Variants in MTDH observed in about 807,000 individuals in gnomAD.
The protein encoded by MTDH is metadherin.
In MTDH, 34 loss-of-function variants were observed where a neutral mutation model predicts 72.7. The ratio of observed to expected loss-of-function variants is 0.47; its 90% confidence interval spans 0.36 to 0.62. The LOEUF (loss-of-function observed/expected upper bound fraction) is 0.62, where lower values mean the gene tolerates loss of function less well. Ranked by LOEUF, MTDH falls within the 20% of genes least tolerant of loss-of-function variation. The pLI is 0.00. For missense variants in MTDH, 677 were observed against 699.4 expected, an observed-to-expected ratio of 0.97 and a Z score of 0.36; for synonymous variants, 266 against 268.9, an observed-to-expected ratio of 0.99 and a Z score of 0.10.
At chr8:97,648,614 C>G (rs1052743909) in intron 1 of MTDH, among the ~76,000 whole-genome samples, 1 of 152,134 alleles carries the variant, frequency 6.6e-6, no homozygotes, top group Non-Finnish European at 1.5e-5. Context: ...CCACTTTGGC[C>G]TCCCAAAATG....
At chr8:97,675,374 G>C (rs540328483) in intron 2 of MTDH, among the ~76,000 whole-genome samples, 7 of 149,858 alleles carry the variant, frequency 4.7e-5, no homozygotes, top group Non-Finnish European at 8.9e-5. Flanking sequence ...CAGCCTGGCC[G>C]ACATGGCGAA....
chr8:97,669,440 G>A (rs545421285), intron 2 of MTDH, among the ~76,000 whole-genome samples: 4 of 151,910 alleles, frequency 2.6e-5, no homozygotes, highest in African/African-American at 4.8e-5. Context: ...GAGCCACTGC[G>A]CCTGGCACCA....
At chr8:97,668,250 A>G (rs965010943) in intron 2 of MTDH, among the ~76,000 whole-genome samples, 3 of 152,098 alleles carry the variant, frequency 2.0e-5, no homozygotes, top group Non-Finnish European at 4.4e-5. Context: ...TCGCATCACT[A>G]TACTCCAGCC....
At chr8:97,689,503 T>G (rs1169987441) in intron 5 of MTDH, among the ~76,000 whole-genome samples, 3 of 152,002 alleles carry the variant, frequency 2.0e-5, no homozygotes, top group Admixed American at 6.6e-5. Flanking sequence ...ATGTTTTAAC[T>G]GCTTCCTTGA....
chr8:97,652,552 T>A (rs1236588885), intron 1 of MTDH, among the ~76,000 whole-genome samples: 1 of 152,200 alleles, frequency 6.6e-6, no homozygotes, highest in Admixed American at 6.5e-5. Context: ...TTGGGTTCTC[T>A]CCCTCCCCAG....
intron 7 of MTDH, among the ~76,000 whole-genome samples, chr8:97,702,143 A>G (rs1814156798): frequency 6.6e-6 from 1 of 152,258 alleles, no homozygotes; most frequent in African/African-American, 2.4e-5. Context: ...TGATATAATT[A>G]ACATATTGGC....
intron 1 of MTDH, among the ~76,000 whole-genome samples, chr8:97,658,620 A>G (rs372803688): frequency 1.3e-4 from 20 of 152,334 alleles, no homozygotes. Flanking sequence ...ATGGCAGTAT[A>G]TAAGTGATTA....
At chr8:97,707,680 G>A (rs530805991) in intron 8 of MTDH, among the ~76,000 whole-genome samples, 1 of 152,066 alleles carries the variant, frequency 6.6e-6, no homozygotes, top group Non-Finnish European at 1.5e-5. Context: ...ATGCTGGGCT[G>A]TATTTGTAAT....
chr8:97,724,791 A>G lies in MTDH; in HGVS notation c.*121A>G. ...ATAAATTTAAACCAATTTTTAAAAC[A>G]AAACTGCGGACACCACCATAAAAAT... On this transcript the variant is annotated 3_prime_UTR_variant, in exon 12 of 12. Coordinates refer to ENST00000336273, the MANE Select transcript of MTDH (RefSeq NM_178812.4). 1 of 648,290 alleles carries G rather than the reference A, an allele frequency of 1.5e-6. No individual in the cohort carries two copies. Among genetic ancestry groups the G allele is most frequent in the Non-Finnish European group, 2.4e-6 (1 of 408,746 alleles). The allele number at this position is 648,290 out of a possible 1,614,324, so 40.2% of individuals were successfully genotyped here. A position where few individuals can be genotyped will look rare whatever the true frequency, so the allele number is the denominator to read the frequency against.
chr8:97,661,245 G>A, intron 2 of MTDH, 72 bp downstream of exon 2: 3 of 1,155,724 alleles, frequency 2.6e-6, no homozygotes, highest in South Asian at 2.8e-5. Flanking sequence ...ATGCTTTTCT[G>A]TTTCATAAGA....
chr8:97,656,213 A>G (rs562920115), intron 1 of MTDH, among the ~76,000 whole-genome samples: 4 of 151,820 alleles, frequency 2.6e-5, no homozygotes, highest in East Asian at 1.9e-4. Context: ...AACCTTATAT[A>G]TGCTTACCTC....
At chr8:97,692,435 T>C (rs1214238402) in intron 6 of MTDH, among the ~76,000 whole-genome samples, 2 of 151,944 alleles carry the variant, frequency 1.3e-5, no homozygotes, top group Non-Finnish European at 2.9e-5. Context: ...TGCAATGGCA[T>C]GATCTCGGCT....
At chr8:97,652,112 G>T (rs187758849) in intron 1 of MTDH, among the ~76,000 whole-genome samples, 7 of 152,302 alleles carry the variant, frequency 4.6e-5, no homozygotes, top group Non-Finnish European at 7.4e-5. Context: ...ACTGCATCCA[G>T]TCCTTTCTCA....
chr8:97,713,766 A>G lies in MTDH; in HGVS notation c.1377A>G (p.Ala459=). 6.4e-7 allele frequency: 1 copy of G among 1,562,282 alleles called. No homozygotes were observed. The highest frequency in any genetic ancestry group is 1.4e-5 in the African/African-American group (1 of 73,274). ...AGCAAGGTGAAGATAACTCTACTGC[A>G]CAGGTAAAATGTCAGAACAACAAGC... The part of the protein sequence containing the change: ...KKKQGEDNST[A]QDTEELEKEI... Residue 459 remains alanine (A), a synonymous_variant, in exon 9 of 12, where the codon GCA becomes GCG. Transcript: ENST00000336273.
chr8:97,707,971 T>C (rs1466571617), intron 8 of MTDH, among the ~76,000 whole-genome samples: 1 of 151,754 alleles, frequency 6.6e-6, no homozygotes, highest in Non-Finnish European at 1.5e-5. Context: ...TCTTTTTTTT[T>C]TTTCTTTTTC....
chr8:97,697,645 A>G (rs1813921622), intron 6 of MTDH, among the ~76,000 whole-genome samples: 1 of 151,984 alleles, frequency 6.6e-6, no homozygotes, highest in Admixed American at 6.6e-5. Context: ...TTGGCCTCCC[A>G]AAGTGCTGGG....
chr8:97,662,855 C>T (rs1282280161), intron 2 of MTDH, among the ~76,000 whole-genome samples: 2 of 150,826 alleles, frequency 1.3e-5, no homozygotes, highest in African/African-American at 4.9e-5. Flanking sequence ...TTCAAAATGT[C>T]TTTGAAGAAG....
At chr8:97,695,578 G>A (rs1022288213) in intron 6 of MTDH, among the ~76,000 whole-genome samples, 10 of 152,296 alleles carry the variant, frequency 6.6e-5, no homozygotes, top group Non-Finnish European at 1.0e-4. Flanking sequence ...AATTAGATTT[G>A]TAATGGGTCA....
At chr8:97,647,758 C>T (rs1187729154) in intron 1 of MTDH, among the ~76,000 whole-genome samples, 1 of 152,146 alleles carries the variant, frequency 6.6e-6, no homozygotes, top group African/African-American at 2.4e-5. Flanking sequence ...TCCCTGGCTA[C>T]TTGCAATGAG....
Sources: allele counts gnomAD v4.1 joint callset (sites outside exome capture counted in the v4.1 genomes callset), GRCh38; gene constraint gnomAD v4.1.1; transcripts MANE v1.5; gene names NCBI Gene and HGNC (gene_info 2026-07-23, HGNC 2026-07-21).